TEAD4: variants seen among roughly 807,000 people sequenced by gnomAD.
The protein encoded by TEAD4 is transcriptional enhancer factor TEF-3.
In TEAD4, 36 loss-of-function variants were observed where a neutral mutation model predicts 52.4. That is an observed-to-expected ratio of 0.69 (90% CI 0.53 to 0.91). The LOEUF (loss-of-function observed/expected upper bound fraction) is 0.91, where lower values mean the gene tolerates loss of function less well. TEAD4 is among the 40% of genes least tolerant of loss of function. The probability of loss-of-function intolerance (pLI) is 0.00; values close to 1 mark genes in which losing one functional copy is unlikely to be tolerated. For missense variants in TEAD4, 508 were observed against 583.9 expected (o/e 0.87, Z 1.34); for synonymous variants, 220 against 231.0 (o/e 0.95, Z 0.43).
In TEAD4 at chr12:3,018,431, G is replaced by A. The variant is rs978084420; in HGVS notation, c.484-114G>A. ...CATTCACTAGCTAGGCGAGGCCTCG[G>A]GCTCCAGCCTCTCCTCCCAGTGGAG... On this transcript the variant is annotated intron_variant, in intron 6 of 12. Coordinates refer to ENST00000359864, the MANE Select transcript of TEAD4 (RefSeq NM_003213.4). 115 of 1,276,090 alleles carry A rather than the reference G, an allele frequency of 9.0e-5. 1 individual carries two copies. The highest frequency in any genetic ancestry group is 2.0e-4 in the Middle Eastern group (1 of 4,954). The allele number at this position is 1,276,090 out of a possible 1,614,324, so 79.0% of individuals were successfully genotyped here.
chr12:3,034,307 G>A (rs1158493445), intron 10 of TEAD4, among the ~76,000 whole-genome samples: 1 of 152,116 alleles, frequency 6.6e-6, no homozygotes, highest in Non-Finnish European at 1.5e-5. Flanking sequence ...TCCTGCTTGC[G>A]CCTGAGGGAC....
intron 3 of TEAD4, among the ~76,000 whole-genome samples, chr12:3,007,770 A>G (rs115669153): frequency 0.024 from 3,631 of 152,268 alleles, 131 homozygotes; most frequent in African/African-American, 0.081. Flanking sequence ...GAGCCTCCCA[A>G]TTGCTAAATG....
chr12:2,962,557 A>G (rs2098216679), intron 2 of TEAD4, among the ~76,000 whole-genome samples: 1 of 151,370 alleles, frequency 6.6e-6, no homozygotes, highest in Admixed American at 6.6e-5. Context: ...CTGGTCTCCA[A>G]CTCCCAACCT....
Position 3,040,420 on chromosome 12 carries a change from A to T in TEAD4, c.1247A>T (p.Glu416Val), listed in dbSNP as rs1195546851. The T allele has an allele frequency of 6.2e-7, 1 of 1,614,060 alleles. No individual in the cohort carries two copies. Among genetic ancestry groups the T allele is most frequent in the Non-Finnish European group, 8.5e-7 (1 of 1,180,012 alleles). Residue 416 changes from glutamate to valine, a missense_variant, in exon 13 of 13, where the codon GAG (glutamate) becomes GTG (valine). Glu to Val is a moderately radical substitution (Grantham distance 121, BLOSUM62 -2). Coordinates refer to ENST00000359864, the MANE Select transcript of TEAD4 (RefSeq NM_003213.4). ...TTGCTGTGCATTGCCTATGTCTTTGAGGTGTCAGCCAGTGAGCACGGGGCT... is the reference window on the plus strand; with the variant it reads ...TTGCTGTGCATTGCCTATGTCTTTGTGGTGTCAGCCAGTGAGCACGGGGCT...
At chr12:2,986,500 C>G (rs11609663) in intron 2 of TEAD4, among the ~76,000 whole-genome samples, 3 of 151,628 alleles carry the variant, frequency 2.0e-5, no homozygotes, top group Non-Finnish European at 4.4e-5. Context: ...ATTAGCCGGG[C>G]GTGGTGGTAC....
intron 2 of TEAD4, among the ~76,000 whole-genome samples, chr12:2,993,054 A>G (rs918514392): frequency 7.2e-5 from 11 of 152,298 alleles, no homozygotes; most frequent in Admixed American, 2.6e-4. Flanking sequence ...TGGGAAGGGA[A>G]CAGGAGAATA....
intron 9 of TEAD4, among the ~76,000 whole-genome samples, chr12:3,021,298 T>G (rs978781162): frequency 6.6e-5 from 9 of 136,368 alleles, no homozygotes; most frequent in African/African-American, 2.4e-4. Flanking sequence ...CTCTGACATC[T>G]TCAAACTTCT....
intron 10 of TEAD4, among the ~76,000 whole-genome samples, chr12:3,022,596 C>T (rs1019067939): frequency 6.6e-6 from 1 of 152,208 alleles, no homozygotes; most frequent in Non-Finnish European, 1.5e-5. Context: ...GCTGCCCTCC[C>T]ACCTCACCCC....
At chr12:2,998,960 C>T (rs1314928570) in intron 3 of TEAD4, among the ~76,000 whole-genome samples, 1 of 152,154 alleles carries the variant, frequency 6.6e-6, no homozygotes, top group Non-Finnish European at 1.5e-5. Context: ...ATCCAGACAC[C>T]CGCTCACCCC....
At chr12:2,979,629 A>G (rs1231135952) in intron 2 of TEAD4, among the ~76,000 whole-genome samples, 2 of 152,194 alleles carry the variant, frequency 1.3e-5, no homozygotes, top group Non-Finnish European at 1.5e-5. Flanking sequence ...CAAGTTGGCA[A>G]ACTTGCAAGT....
chr12:2,983,841 G>T (rs1039220913), intron 2 of TEAD4, among the ~76,000 whole-genome samples: 7 of 152,188 alleles, frequency 4.6e-5, no homozygotes, highest in Non-Finnish European at 8.8e-5. Context: ...TCTGTGCAGC[G>T]TGCTGAGGAC....
At chr12:2,991,956 C>T (rs138472521) in intron 2 of TEAD4, among the ~76,000 whole-genome samples, 2 of 150,988 alleles carry the variant, frequency 1.3e-5, no homozygotes, top group East Asian at 2.0e-4. Context: ...GTGCCCTTTT[C>T]AGCAAGCTGA....
chr12:2,965,598 C>T (rs994540866), intron 2 of TEAD4, among the ~76,000 whole-genome samples: 4 of 152,192 alleles, frequency 2.6e-5, no homozygotes, highest in Non-Finnish European at 4.4e-5. Flanking sequence ...TTCGCCCAGG[C>T]TGGAGGGCAG....
intron 2 of TEAD4, among the ~76,000 whole-genome samples, chr12:2,977,950 C>T (rs911844585): frequency 5.9e-5 from 9 of 152,212 alleles, no homozygotes; most frequent in African/African-American, 1.9e-4. Flanking sequence ...TAACTGAGTA[C>T]ACAGCCTGGC....
chr12:2,962,793 AC>A, intron 2 of TEAD4, among the ~76,000 whole-genome samples: 1 of 152,280 alleles, frequency 6.6e-6, no homozygotes, highest in East Asian at 1.9e-4. Context: ...AGATGGGGAA[AC>A]TGATGCTCCT....
At chr12:2,985,495 C>CA (rs1391527540) in intron 2 of TEAD4, among the ~76,000 whole-genome samples, 1 of 138,384 alleles carries the variant, frequency 7.2e-6, no homozygotes, top group African/African-American at 2.6e-5. Flanking sequence ...CTTCTGTTTA[C>CA]AAAATCTTTT....
intron 5 of TEAD4, among the ~76,000 whole-genome samples, chr12:3,016,803 C>T (rs1313965073): frequency 3.3e-5 from 5 of 152,134 alleles, no homozygotes; most frequent in East Asian, 1.9e-4. Context: ...TTATTTGTTC[C>T]GGGCCTATTC....
In TEAD4 at chr12:2,959,476, C is replaced by G. The variant is rs1027430610; in HGVS notation, c.-128C>G. ...CCGCAGCTCCGGCGCCGCCGCGTCC[C>G]GCCAGGTGAGAGGCGCCCGCGCCCG... On this transcript the variant is annotated 5_prime_UTR_variant, in exon 1 of 13. Coordinates refer to ENST00000359864, the MANE Select transcript of TEAD4 (RefSeq NM_003213.4). This position sits in a 1 kb window ranked among gnomAD's most constrained non-coding sequence, Gnocchi z 5.1. 18 of 147,188 alleles carry G rather than the reference C, an allele frequency of 1.2e-4. No individual in the cohort carries two copies. Among genetic ancestry groups the G allele is most frequent in the Non-Finnish European group, 2.3e-4 (15 of 65,882 alleles). The allele number at this position is 147,188 out of a possible 1,614,324, so 9.1% of individuals were successfully genotyped here.
intron 2 of TEAD4, among the ~76,000 whole-genome samples, chr12:2,965,449 C>T (rs1293314482): frequency 6.6e-6 from 1 of 151,998 alleles, no homozygotes; most frequent in Non-Finnish European, 1.5e-5. Flanking sequence ...TGTGAGCCAT[C>T]ATACCCTGCC....
Sources: allele counts gnomAD v4.1 joint callset (sites outside exome capture counted in the v4.1 genomes callset), GRCh38; gene constraint gnomAD v4.1.1; non-coding constraint Gnocchi (gnomAD v3.1); transcripts MANE v1.5; gene names NCBI Gene and HGNC (gene_info 2026-07-23, HGNC 2026-07-21).